DOCK4: variants seen among roughly 807,000 people sequenced by gnomAD.
The protein encoded by DOCK4 is dedicator of cytokinesis 4.
In DOCK4, 97 loss-of-function variants were observed where a neutral mutation model predicts 268.1. That is an observed-to-expected ratio of 0.36 (90% confidence interval 0.31 to 0.43). The LOEUF (loss-of-function observed/expected upper bound fraction) is 0.43, where lower values mean the gene tolerates loss of function less well. Ranked by LOEUF, DOCK4 falls within the 20% of genes least tolerant of loss-of-function variation. The probability of loss-of-function intolerance (pLI) is 1.00; values close to 1 mark genes in which losing one functional copy is unlikely to be tolerated. For synonymous variants in DOCK4, 954 were observed against 887.2 expected, an observed-to-expected ratio of 1.08 and a Z score of -1.34; for missense variants, 2,145 against 2,455.7, an observed-to-expected ratio of 0.87 and a Z score of 2.67.
At chr7:111,862,905 C>T (rs1036052535) in intron 23 of DOCK4, 4 of 171,006 alleles carry the variant, frequency 2.3e-5, no homozygotes, top group South Asian at 1.3e-4. Flanking sequence ...GTTATTTATT[C>T]GGGAAAAAAA....
intron 1 of DOCK4, among the ~76,000 whole-genome samples, chr7:112,134,902 A>G (rs888506300): frequency 2.0e-5 from 3 of 152,324 alleles, no homozygotes; most frequent in South Asian, 2.1e-4. Context: ...AAAATAATAC[A>G]TCATAATAAA....
At chr7:111,833,060 G>A (rs1586124002) in intron 26 of DOCK4, among the ~76,000 whole-genome samples, 2 of 152,174 alleles carry the variant, frequency 1.3e-5, no homozygotes, top group African/African-American at 4.8e-5. Flanking sequence ...CTTTTCCTAT[G>A]GGAAATTTTC....
At chr7:112,141,434 A>C (rs1476152649) in intron 1 of DOCK4, among the ~76,000 whole-genome samples, 1 of 152,176 alleles carries the variant, frequency 6.6e-6, no homozygotes, top group Non-Finnish European at 1.5e-5. Context: ...CAATCAGCTG[A>C]CTTTAAGTAA....
At chr7:111,779,092 A>G (rs370122656) in intron 35 of DOCK4, among the ~76,000 whole-genome samples, 3 of 152,122 alleles carry the variant, frequency 2.0e-5, no homozygotes, top group African/African-American at 7.2e-5. Context: ...AAAAAAATAA[A>G]AAGCAAAAAT....
chr7:112,109,312 T>C (rs1331588597), intron 1 of DOCK4, among the ~76,000 whole-genome samples: 1 of 152,030 alleles, frequency 6.6e-6, no homozygotes, highest in Non-Finnish European at 1.5e-5. Flanking sequence ...CCAAGACAAG[T>C]GCTAACTACA....
At chr7:112,010,451 G>A (rs192835315) in intron 1 of DOCK4, among the ~76,000 whole-genome samples, 63 of 152,298 alleles carry the variant, frequency 4.1e-4, no homozygotes, top group African/African-American at 1.4e-3. Context: ...ATTCCTTACC[G>A]CTGGGAACTC....
chr7:111,933,102 ATATATACG>A (rs1794343495), intron 12 of DOCK4, among the ~76,000 whole-genome samples: 1 of 140,086 alleles, frequency 7.1e-6, no homozygotes, highest in Admixed American at 7.1e-5. Context: ...ATATACACAT[ATATATACG>A]TATATACACA....
chr7:112,168,092 A>T (rs1359837285), intron 1 of DOCK4, among the ~76,000 whole-genome samples: 1 of 150,784 alleles, frequency 6.6e-6, no homozygotes, highest in East Asian at 1.9e-4. Flanking sequence ...TATTTAAAAT[A>T]GTTTCCCAGT....
intron 35 of DOCK4, 107 bp downstream of exon 35, chr7:111,782,757 T>C: frequency 8.5e-7 from 1 of 1,172,236 alleles, no homozygotes; most frequent in East Asian, 2.3e-5. Flanking sequence ...AAATAACTCT[T>C]CTAAGAAACA....
chr7:112,107,120 C>A (rs1811204407), intron 1 of DOCK4, among the ~76,000 whole-genome samples: 1 of 152,160 alleles, frequency 6.6e-6, no homozygotes, highest in Non-Finnish European at 1.5e-5. Context: ...ATAAGCCCAT[C>A]TGTATAAGGC....
chr7:112,176,190 G>A (rs879264623), intron 1 of DOCK4, among the ~76,000 whole-genome samples: 1 of 152,184 alleles, frequency 6.6e-6, no homozygotes, highest in Non-Finnish European at 1.5e-5. Flanking sequence ...GTGGAAGACT[G>A]ACCTTTCTCT....
chr7:111,773,535 C>G (rs1369374573), intron 36 of DOCK4, among the ~76,000 whole-genome samples: 2 of 152,036 alleles, frequency 1.3e-5, no homozygotes, highest in African/African-American at 4.8e-5. Flanking sequence ...TTTTTATGAA[C>G]TTTAAAAATT....
intron 1 of DOCK4, among the ~76,000 whole-genome samples, chr7:112,086,180 T>A (rs535851175): frequency 7.9e-5 from 12 of 152,192 alleles, no homozygotes; most frequent in Admixed American, 7.2e-4. Context: ...GTTCAAAAAA[T>A]ACATGAATAT....
intron 26 of DOCK4, among the ~76,000 whole-genome samples, chr7:111,829,991 T>C (rs1232077418): frequency 2.6e-5 from 4 of 152,176 alleles, no homozygotes; most frequent in Admixed American, 2.6e-4. Context: ...ATTTCTGAAG[T>C]AAAATTGGTA....
chr7:112,075,968 A>C (rs1462384360), intron 1 of DOCK4, among the ~76,000 whole-genome samples: 1 of 152,144 alleles, frequency 6.6e-6, no homozygotes, highest in Non-Finnish European at 1.5e-5. Flanking sequence ...CTTATCTTTT[A>C]GGCTAGATTA....
intron 35 of DOCK4, among the ~76,000 whole-genome samples, chr7:111,782,321 A>G (rs1563496312): frequency 6.6e-6 from 1 of 152,202 alleles, no homozygotes; most frequent in African/African-American, 2.4e-5. Flanking sequence ...CCTAGTTACA[A>G]AGCAAACCTT....
chr7:111,850,567 C>T (rs1804467077), intron 23 of DOCK4, among the ~76,000 whole-genome samples: 1 of 152,136 alleles, frequency 6.6e-6, no homozygotes, highest in Non-Finnish European at 1.5e-5. Context: ...CCTGAAGCAA[C>T]TGAAGAACCA....
At chr7:112,113,890 C>T (rs58334403) in intron 1 of DOCK4, among the ~76,000 whole-genome samples, 4,365 of 151,614 alleles carry the variant, frequency 0.029, 171 homozygotes, top group East Asian at 0.21. Flanking sequence ...CACCATGCTT[C>T]GCCTGGATTT....
chr7:111,867,511 A>C (rs1157230797), intron 22 of DOCK4, among the ~76,000 whole-genome samples: 1 of 152,202 alleles, frequency 6.6e-6, no homozygotes, highest in Non-Finnish European at 1.5e-5. Context: ...GCAGCTCTGC[A>C]CTGGTCTTAA....
Sources: allele counts gnomAD v4.1 joint callset (sites outside exome capture counted in the v4.1 genomes callset), GRCh38; gene constraint gnomAD v4.1.1; transcripts MANE v1.5; gene names NCBI Gene and HGNC (gene_info 2026-07-23, HGNC 2026-07-21).